Variants in DOCK2 observed in about 807,000 individuals in gnomAD.
The protein encoded by DOCK2 is dedicator of cytokinesis 2.
DOCK2 carries 87 observed loss-of-function variants against 248.9 expected under a neutral mutation model. That is an observed-to-expected ratio of 0.35 (90% CI 0.29 to 0.42). The LOEUF is 0.42. Among genes scored for constraint, DOCK2 ranks in the 10% least tolerant of loss-of-function variants. The pLI is 1.00. For synonymous variants in DOCK2, 805 were observed against 821.6 expected (o/e 0.98, Z 0.35); for missense variants, 1,747 against 2,300.2 (o/e 0.76, Z 4.92).
intron 8 of DOCK2, among the ~76,000 whole-genome samples, chr5:169,684,900 T>C (rs1385338267): frequency 6.6e-6 from 1 of 152,192 alleles, no homozygotes. Context: ...CCTCCCACCT[T>C]GGCTTCCCAA....
At chr5:169,656,643 C>T (rs1758137758) in intron 2 of DOCK2, among the ~76,000 whole-genome samples, 1 of 152,228 alleles carries the variant, frequency 6.6e-6, no homozygotes, top group Non-Finnish European at 1.5e-5. Flanking sequence ...GCCAAGCCCA[C>T]ACTCTTTCCT....
intron 25 of DOCK2, among the ~76,000 whole-genome samples, chr5:169,770,008 G>A (rs1411364068): frequency 6.6e-6 from 1 of 152,196 alleles, no homozygotes; most frequent in Admixed American, 6.5e-5. Context: ...GACCTCGGTA[G>A]TAAAAGCATT....
At chr5:169,850,131 G>C (rs892293549) in intron 27 of DOCK2, among the ~76,000 whole-genome samples, 7 of 152,220 alleles carry the variant, frequency 4.6e-5, no homozygotes, top group Admixed American at 2.6e-4. Context: ...AGAATGCACT[G>C]TCGGTATTAA....
chr5:169,700,598 T>G (rs1174800635), intron 13 of DOCK2, among the ~76,000 whole-genome samples: 2 of 152,022 alleles, frequency 1.3e-5, no homozygotes, highest in African/African-American at 2.4e-5. Flanking sequence ...TGAAAAGGTA[T>G]AAAGTGAAAT....
intron 27 of DOCK2, chr5:169,883,505 T>C (rs1772790105): frequency 6.4e-7 from 1 of 1,551,648 alleles, no homozygotes; most frequent in South Asian, 1.2e-5. Context: ...TTGACCTGGA[T>C]GGCACTTTGG....
At chr5:169,890,109 G>C (rs1773197915) in intron 27 of DOCK2, among the ~76,000 whole-genome samples, 1 of 152,262 alleles carries the variant, frequency 6.6e-6, no homozygotes, top group South Asian at 2.1e-4. Flanking sequence ...CTAAGTCACA[G>C]AGGTAGACTG....
At chr5:169,794,281 G>A (rs1581198628) in intron 25 of DOCK2, among the ~76,000 whole-genome samples, 1 of 151,926 alleles carries the variant, frequency 6.6e-6, no homozygotes, top group African/African-American at 2.4e-5. Flanking sequence ...TACTCGGCTT[G>A]GCCTCCTTCC....
intron 6 of DOCK2, among the ~76,000 whole-genome samples, chr5:169,681,307 A>G (rs1234108053): frequency 6.6e-6 from 1 of 151,650 alleles, no homozygotes; most frequent in Non-Finnish European, 1.5e-5. Context: ...TATTTTTAGT[A>G]GAGACAGGGT....
intron 25 of DOCK2, among the ~76,000 whole-genome samples, chr5:169,770,478 T>C (rs1765024666): frequency 6.6e-6 from 1 of 152,012 alleles, no homozygotes; most frequent in Non-Finnish European, 1.5e-5. Context: ...TAAAAAAAAC[T>C]TTGTAGAGAT....
At chr5:170,078,155 G>A (rs567179197) in intron 48 of DOCK2, among the ~76,000 whole-genome samples, 14 of 152,108 alleles carry the variant, frequency 9.2e-5, no homozygotes, top group Middle Eastern at 3.2e-3. Flanking sequence ...CATCCTTCTG[G>A]AATATTGTCA....
At chr5:169,702,603 A>C in intron 14 of DOCK2, 176 bp downstream of exon 14, 1 of 788,208 alleles carries the variant, frequency 1.3e-6, no homozygotes, top group Non-Finnish European at 1.8e-6. Flanking sequence ...CCATAATAAG[A>C]CCTTGTGATA....
At chr5:170,047,996 A>C (rs1026957809) in intron 40 of DOCK2, among the ~76,000 whole-genome samples, 2 of 152,194 alleles carry the variant, frequency 1.3e-5, no homozygotes, top group South Asian at 4.1e-4. Flanking sequence ...ATTATTGAGG[A>C]TCCCAAAGAA....
intron 27 of DOCK2, chr5:169,883,233 G>T: frequency 4.5e-6 from 7 of 1,551,508 alleles, no homozygotes; most frequent in Non-Finnish European, 6.1e-6. Flanking sequence ...ACCTGTCTGG[G>T]CTGAGAGCAG....
intron 26 of DOCK2, among the ~76,000 whole-genome samples, chr5:169,839,736 T>C (rs1047659829): frequency 1.3e-5 from 2 of 152,224 alleles, no homozygotes; most frequent in African/African-American, 4.8e-5. Context: ...GCTTCTATTA[T>C]ACAAGCACCA....
At chr5:169,701,180 T>C (rs941700485) in intron 13 of DOCK2, among the ~76,000 whole-genome samples, 7 of 152,270 alleles carry the variant, frequency 4.6e-5, no homozygotes, top group African/African-American at 1.7e-4. Flanking sequence ...CAACCTCTTC[T>C]GCTCAGCTCT....
chr5:169,792,183 T>C (rs1355185729), intron 25 of DOCK2, among the ~76,000 whole-genome samples: 1 of 152,108 alleles, frequency 6.6e-6, no homozygotes, highest in African/African-American at 2.4e-5. Flanking sequence ...CTGATAGGTG[T>C]CCTGAGCACT....
intron 25 of DOCK2, among the ~76,000 whole-genome samples, chr5:169,788,527 C>T (rs930223616): frequency 3.9e-5 from 6 of 152,122 alleles, no homozygotes; most frequent in African/African-American, 1.2e-4. Flanking sequence ...TTAAGAATTT[C>T]GTGCCAGAAA....
rs558000413 is a variant in DOCK2 at position 169,982,922 on chromosome 5, C to T, written c.2800-146C>T. ...ATGGATCAGGTGTTATGTTTATGTT[C>T]GGCACTGCTATTACAGTCCCAGGCA... On this transcript the variant is annotated intron_variant, in intron 27 of 51. Transcript: ENST00000520908. The T allele has an allele frequency of 3.7e-4, 262 of 705,074 alleles. 5 individuals are homozygous for T. The South Asian group carries it at 4.3e-3, about 12-fold the overall frequency. 43.7% of individuals were successfully genotyped at this position (705,074 alleles called of 1,614,324 possible). A position where few individuals can be genotyped will look rare whatever the true frequency, so the allele number is the denominator to read the frequency against.
chr5:169,968,456 C>A (rs1777379530), intron 27 of DOCK2, among the ~76,000 whole-genome samples: 1 of 152,138 alleles, frequency 6.6e-6, no homozygotes, highest in Non-Finnish European at 1.5e-5. Flanking sequence ...CCAGTGGGGA[C>A]AGACACATGA....
Sources: allele counts gnomAD v4.1 joint callset (sites outside exome capture counted in the v4.1 genomes callset), GRCh38; gene constraint gnomAD v4.1.1; transcripts MANE v1.5; gene names NCBI Gene and HGNC (gene_info 2026-07-23, HGNC 2026-07-21).